Variants in MEGF6 observed in about 807,000 individuals in gnomAD.
MEGF6 encodes the protein multiple epidermal growth factor-like domains protein 6.
A neutral mutation model predicts 207.1 loss-of-function variants in MEGF6; 184 were observed. The ratio of observed to expected loss-of-function variants is 0.89; its 90% confidence interval spans 0.79 to 1.00. The LOEUF (loss-of-function observed/expected upper bound fraction) is 1.00. MEGF6 is among the 50% of genes least tolerant of loss of function. MEGF6 has a pLI of 0.00. For missense variants in MEGF6, 2,282 were observed against 2,202.9 expected (o/e 1.04, Z -0.72); for synonymous variants, 1,038 against 910.0 (o/e 1.14, Z -2.53).
the MEGF6 span, among the ~76,000 whole-genome samples, chr1:3,621,385 TG>T: frequency 1.3e-5 from 2 of 152,264 alleles, no homozygotes; most frequent in African/African-American, 2.4e-5. Context: ...ACTTGTCTTC[TG>T]GTCACTTCTC....
chr1:3,553,634 C>T (rs12074184), intron 4 of MEGF6, among the ~76,000 whole-genome samples: 4 of 152,220 alleles, frequency 2.6e-5, no homozygotes, highest in African/African-American at 9.6e-5. Flanking sequence ...ATCTTCCCAG[C>T]CTGCAGTACT....
chr1:3,505,956 A>T, intron 15 of MEGF6, 152 bp downstream of exon 15: 1 of 1,076,618 alleles, frequency 9.3e-7, no homozygotes, highest in Non-Finnish European at 1.3e-6. Context: ...GAGTCCACAG[A>T]CTCATGGCGG....
intron 4 of MEGF6, among the ~76,000 whole-genome samples, chr1:3,568,869 C>T (rs937075619): frequency 4.6e-5 from 7 of 152,156 alleles, no homozygotes; most frequent in African/African-American, 1.4e-4. Flanking sequence ...AGAGCGTGTT[C>T]ACAGGGTGCA....
chr1:3,561,069 A>T (rs1643184962), intron 4 of MEGF6, among the ~76,000 whole-genome samples: 1 of 152,128 alleles, frequency 6.6e-6, no homozygotes, highest in South Asian at 2.1e-4. Flanking sequence ...CTCTGGCAGG[A>T]GATGCTACAA....
intron 5 of MEGF6, among the ~76,000 whole-genome samples, chr1:3,517,017 C>T (rs796571565): frequency 6.6e-5 from 10 of 152,348 alleles, no homozygotes; most frequent in African/African-American, 2.4e-4. Flanking sequence ...CCCGGCCTGC[C>T]TCACCTGAGA....
At chr1:3,607,945 C>T (rs1158513789) in intron 1 of MEGF6, among the ~76,000 whole-genome samples, 2 of 152,120 alleles carry the variant, frequency 1.3e-5, no homozygotes, top group Non-Finnish European at 2.9e-5. Flanking sequence ...GGGCGGGGAT[C>T]CAGAAAGCAG....
intron 4 of MEGF6, among the ~76,000 whole-genome samples, chr1:3,538,515 G>A (rs1053737058): frequency 6.6e-6 from 1 of 152,202 alleles, no homozygotes; most frequent in Admixed American, 6.5e-5. Flanking sequence ...CCTGGCTGGG[G>A]CCAGGCAGAA....
intron 4 of MEGF6, among the ~76,000 whole-genome samples, chr1:3,530,267 C>G (rs1052719402): frequency 6.6e-6 from 1 of 152,186 alleles, no homozygotes; most frequent in African/African-American, 2.4e-5. Context: ...TAGTCCTTCA[C>G]GCAGGAGAGA....
At position 3,560,837 on chromosome 1, in the gene MEGF6, C is replaced by A; in HGVS notation, c.481+18988G>T. On this transcript the variant is annotated intron_variant, in intron 4 of 36. Transcript: ENST00000356575. This position sits in a 1 kb window ranked among gnomAD's most constrained non-coding sequence, Gnocchi z 4.0. ...CAGGAACAGCCTCAGGCGTCGGCCG[C>A]GAGGGGGTTGCTGGGCTGGCTGGTC... 4.5e-6 allele frequency: 2 copies of A among 446,920 alleles called. No individual in the cohort carries two copies. The highest frequency in any genetic ancestry group is 4.5e-6 in the Non-Finnish European group (1 of 220,002). 27.7% of individuals were successfully genotyped at this position (446,920 alleles called of 1,614,324 possible).
chr1:3,524,024 CAT>C (rs1641864619), intron 5 of MEGF6, 98 bp downstream of exon 5: 20 of 1,392,524 alleles, frequency 1.4e-5, no homozygotes, highest in Non-Finnish European at 1.8e-5. Context: ...TCTGCCTCTC[CAT>C]GTCCACAGCC....
At chr1:3,543,718 G>A (rs545166137) in intron 4 of MEGF6, among the ~76,000 whole-genome samples, 4 of 152,226 alleles carry the variant, frequency 2.6e-5, no homozygotes, top group African/African-American at 9.6e-5. Context: ...TCTGCCTCTG[G>A]CCAGCTCTGC....
At chr1:3,517,744 G>A (rs2101113070) in intron 5 of MEGF6, among the ~76,000 whole-genome samples, 1 of 152,330 alleles carries the variant, frequency 6.6e-6, no homozygotes, top group Non-Finnish European at 1.5e-5. Context: ...ACCCGGCAAA[G>A]CTGAGTGTGC....
chr1:3,588,527 C>T (rs1471791410), intron 3 of MEGF6, among the ~76,000 whole-genome samples: 1 of 75,978 alleles, frequency 1.3e-5, no homozygotes, highest in Non-Finnish European at 2.6e-5. Context: ...TAGGAGTGGC[C>T]AGGAGTGGCC....
intron 11 of MEGF6, 49 bp from the exon 12 acceptor site, chr1:3,509,294 T>TAG: frequency 7.3e-7 from 1 of 1,378,198 alleles, no homozygotes; most frequent in Non-Finnish European, 9.4e-7. Flanking sequence ...ACCTGCCTGC[T>TAG]CCAGCGACCC....
chr1:3,555,894 G>A lies in MEGF6; in HGVS notation c.481+23931C>T. ...CTGAGCATCTGTCCAAGAAGAAAGT[G>A]CCCCAAATAAGTCTCCAACTCAAGC... On this transcript the variant is annotated intron_variant, in intron 4 of 36. Transcript: ENST00000356575. 1.3e-5 allele frequency among the ~76,000 whole-genome samples: 2 copies of A among 152,358 alleles called. 1 individual carries two copies. The highest frequency in any genetic ancestry group is 1.3e-4 in the Admixed American group (2 of 15,308).
intron 4 of MEGF6, among the ~76,000 whole-genome samples, chr1:3,574,958 T>C (rs1643601824): frequency 6.6e-6 from 1 of 152,220 alleles, no homozygotes. Context: ...CAAAGGTTCT[T>C]GAACCAAGAA....
chr1:3,488,780 T>G lies in MEGF6; in HGVS notation c.*1748A>C, dbSNP rs776930677. Among the ~76,000 whole-genome samples the G allele has an allele frequency of 7.9e-4, 121 of 152,242 alleles. No individual in the cohort carries two copies. The highest frequency in any genetic ancestry group is 1.6e-3 in the Non-Finnish European group (106 of 68,044). On this transcript the variant is annotated 3_prime_UTR_variant, in exon 37 of 37. Coordinates refer to ENST00000356575, the MANE Select transcript of MEGF6 (RefSeq NM_001409.4). ...GGACTTTAGAATTTATCTTTGACAT[T>G]GATGTTCTTCAAGGTCTTATGGCTT... is the stretch of plus-strand genomic sequence containing the variant.
Position 3,509,135 on chromosome 1 carries a change from C to A in MEGF6, c.1468G>T (p.Val490Phe). ...TCTGCCTCTTCCTCATCGGCCCCGA[C>A]GTCGTCATCCTGGAAGAGTTGCGGC... ...ELPQLFQDDDVGADEEEAELR... is the reference protein window; with the variant it reads ...ELPQLFQDDDFGADEEEAELR... The change falls in exon 12 of 37, where the codon GTC becomes TTC. Residue 490 changes from valine (V) to phenylalanine (F), a missense_variant. By Grantham distance (50) the Val-to-Phe change is conservative. Transcript: ENST00000356575. 9.4e-6 allele frequency: 15 copies of A among 1,599,328 alleles called. No individual in the cohort carries two copies. Among genetic ancestry groups the A allele is most frequent in the Non-Finnish European group, 1.3e-5 (15 of 1,173,724 alleles).
At chr1:3,516,385 C>A (rs971775836) in intron 5 of MEGF6, among the ~76,000 whole-genome samples, 1 of 152,216 alleles carries the variant, frequency 6.6e-6, no homozygotes, top group Non-Finnish European at 1.5e-5. Context: ...GAGTCAGCCC[C>A]GAGCTCAGAG....
Sources: allele counts gnomAD v4.1 joint callset (sites outside exome capture counted in the v4.1 genomes callset), GRCh38; gene constraint gnomAD v4.1.1; non-coding constraint Gnocchi (gnomAD v3.1); transcripts MANE v1.5; gene names NCBI Gene and HGNC (gene_info 2026-07-23, HGNC 2026-07-21).